Variants in CSNK2A2IP observed in about 807,000 individuals in gnomAD.
CSNK2A2IP encodes the protein casein kinase II subunit alpha'-interacting protein.
At chr3:88,462,106 GT>G in the CSNK2A2IP span, among the ~76,000 whole-genome samples, 5 of 100,514 alleles carry the variant, frequency 5.0e-5, no homozygotes, top group Non-Finnish European at 8.7e-5. Context: ...ATGGAGATGA[GT>G]TTTTTTCATA....
At chr3:88,348,703 G>A in the CSNK2A2IP span, among the ~76,000 whole-genome samples, 2 of 152,048 alleles carry the variant, frequency 1.3e-5, no homozygotes, top group East Asian at 3.9e-4. Context: ...TAAGTGGCCA[G>A]AAAAGCCCTT....
At chr3:88,353,028 C>T in the CSNK2A2IP span, among the ~76,000 whole-genome samples, 4 of 152,238 alleles carry the variant, frequency 2.6e-5, no homozygotes, top group Non-Finnish European at 5.9e-5. Context: ...TCTTACAATA[C>T]TTGTTTTCTA....
At chr3:88,418,463 T>TGTGTGTGCGCGCAC in the CSNK2A2IP span, among the ~76,000 whole-genome samples, 3 of 149,536 alleles carry the variant, frequency 2.0e-5, no homozygotes, top group East Asian at 6.1e-4. Context: ...TGTGTGTGTG[T>TGTGTGTGCGCGCAC]GCGCGCGGGC....
the CSNK2A2IP span, among the ~76,000 whole-genome samples, chr3:88,361,044 C>G: frequency 6.6e-6 from 1 of 152,042 alleles, no homozygotes; most frequent in East Asian, 1.9e-4. Flanking sequence ...CCTTATTTAT[C>G]TTTTTATGTT....
chr3:88,405,756 C>T, the CSNK2A2IP span, among the ~76,000 whole-genome samples: 5 of 152,262 alleles, frequency 3.3e-5, no homozygotes, highest in South Asian at 4.1e-4. Flanking sequence ...TTTTAAGGCA[C>T]TTTTCCTTTA....
At chr3:88,379,131 T>C in the CSNK2A2IP span, among the ~76,000 whole-genome samples, 1 of 151,974 alleles carries the variant, frequency 6.6e-6, no homozygotes, top group Admixed American at 6.6e-5. Context: ...GAGCTCTGGT[T>C]TTACTAGAGC....
At chr3:88,427,401 T>C in the CSNK2A2IP span, among the ~76,000 whole-genome samples, 4 of 152,248 alleles carry the variant, frequency 2.6e-5, no homozygotes, top group Non-Finnish European at 4.4e-5. Context: ...GAGGAGAAAG[T>C]CAAGCTGGCT....
chr3:88,397,065 G>A, the CSNK2A2IP span, among the ~76,000 whole-genome samples: 1 of 152,170 alleles, frequency 6.6e-6, no homozygotes, highest in East Asian at 1.9e-4. Flanking sequence ...ATGTGAAATA[G>A]ATATATGATA....
the CSNK2A2IP span, among the ~76,000 whole-genome samples, chr3:88,436,618 T>G: frequency 6.6e-6 from 1 of 152,094 alleles, no homozygotes; most frequent in African/African-American, 2.4e-5. Flanking sequence ...ACTACATAAG[T>G]TCATAATTAA....
the CSNK2A2IP span, among the ~76,000 whole-genome samples, chr3:88,418,159 AT>A: frequency 6.6e-6 from 1 of 152,148 alleles, no homozygotes; most frequent in Non-Finnish European, 1.5e-5. Flanking sequence ...AGGGTATTAG[AT>A]TCCTTATGGA....
At chr3:88,378,396 G>A in the CSNK2A2IP span, among the ~76,000 whole-genome samples, 1 of 151,712 alleles carries the variant, frequency 6.6e-6, no homozygotes, top group Non-Finnish European at 1.5e-5. Flanking sequence ...GTTGTATATT[G>A]CTGTGACTTG....
At chr3:88,356,603 T>C in the CSNK2A2IP span, among the ~76,000 whole-genome samples, 1 of 152,266 alleles carries the variant, frequency 6.6e-6, no homozygotes, top group South Asian at 2.1e-4. Flanking sequence ...TTATTTTGGA[T>C]ATATACCTAG....
the CSNK2A2IP span, among the ~76,000 whole-genome samples, chr3:88,365,356 A>G: frequency 6.6e-6 from 1 of 152,202 alleles, no homozygotes; most frequent in Non-Finnish European, 1.5e-5. Context: ...ATGGACATTC[A>G]GATCACCCAT....
At chr3:88,362,722 CT>C in the CSNK2A2IP span, among the ~76,000 whole-genome samples, 4 of 152,168 alleles carry the variant, frequency 2.6e-5, no homozygotes, top group African/African-American at 9.7e-5. Context: ...GGCAGATTCC[CT>C]TTCAGTTTAG....
chr3:88,356,467 T>C, the CSNK2A2IP span, among the ~76,000 whole-genome samples: 1 of 152,194 alleles, frequency 6.6e-6, no homozygotes. Context: ...CCATGGTGTA[T>C]TTGTACCACA....
At chr3:88,356,595 A>G in the CSNK2A2IP span, among the ~76,000 whole-genome samples, 16 of 152,096 alleles carry the variant, frequency 1.1e-4, no homozygotes, top group Non-Finnish European at 2.1e-4. Flanking sequence ...GGCTTCCTTT[A>G]TTTTGGATAT....
the CSNK2A2IP span, among the ~76,000 whole-genome samples, chr3:88,398,536 AATG>A: frequency 6.6e-6 from 1 of 152,150 alleles, no homozygotes; most frequent in East Asian, 1.9e-4. Context: ...AAAATTCTTA[AATG>A]CTGTATATAC....
the CSNK2A2IP span, among the ~76,000 whole-genome samples, chr3:88,443,856 T>A: frequency 1.3e-5 from 2 of 150,458 alleles, no homozygotes; most frequent in African/African-American, 4.9e-5. Flanking sequence ...ACTCACCAGT[T>A]TTCTCTGAGT....
At chr3:88,458,796 A>G in the CSNK2A2IP span, among the ~76,000 whole-genome samples, 26 of 152,196 alleles carry the variant, frequency 1.7e-4, no homozygotes, top group Non-Finnish European at 3.5e-4. Context: ...TATGAAAAGT[A>G]TTCACAGATA....
Sources: allele counts gnomAD v4.1 joint callset (sites outside exome capture counted in the v4.1 genomes callset), GRCh38; gene constraint gnomAD v4.1.1; transcripts MANE v1.5; gene names NCBI Gene and HGNC (gene_info 2026-07-23, HGNC 2026-07-21).